PCDHA3: variants seen among roughly 807,000 people sequenced by gnomAD.
PCDHA3 encodes the protein protocadherin alpha-3.
A neutral mutation model predicts 62.2 loss-of-function variants in PCDHA3; 41 were observed. The ratio of observed to expected loss-of-function variants is 0.66; its 90% CI spans 0.51 to 0.86. The LOEUF is 0.86. PCDHA3 is among the 40% of genes least tolerant of loss of function. The probability of loss-of-function intolerance (pLI) is 0.00; values close to 1 mark genes in which losing one functional copy is unlikely to be tolerated. For synonymous variants in PCDHA3, 640 were observed against 555.4 expected, an observed-to-expected ratio of 1.15 and a Z score of -2.14; for missense variants, 1,304 against 1,241.2, an observed-to-expected ratio of 1.05 and a Z score of -0.76.
At chr5:140,969,847 A>G (rs2096364168) in intron 1 of PCDHA3, among the ~76,000 whole-genome samples, 1 of 152,150 alleles carries the variant, frequency 6.6e-6, no homozygotes. Flanking sequence ...TATCTAGTTA[A>G]TATTTCTGGT....
chr5:141,002,873 G>C (rs780574639), intron 3 of PCDHA3, among the ~76,000 whole-genome samples: 44 of 152,148 alleles, frequency 2.9e-4, no homozygotes, highest in Admixed American at 2.6e-4. Context: ...AAGTCCTCAA[G>C]AACAGAAAGA....
intron 1 of PCDHA3, among the ~76,000 whole-genome samples, chr5:140,933,853 A>G (rs192647657): frequency 6.6e-6 from 1 of 151,684 alleles, no homozygotes; most frequent in Non-Finnish European, 1.5e-5. Flanking sequence ...TGTACCTTTA[A>G]TTTTTTCAGA....
chr5:140,808,930 GC>G, intron 1 of PCDHA3: 1 of 1,613,744 alleles, frequency 6.2e-7, no homozygotes, highest in Non-Finnish European at 8.5e-7. Context: ...GCGAGCTGGT[GC>G]CATGGTCGGT....
intron 3 of PCDHA3, among the ~76,000 whole-genome samples, chr5:141,000,386 T>A (rs1394092081): frequency 5.6e-4 from 37 of 66,542 alleles, no homozygotes; most frequent in African/African-American, 2.4e-3. Flanking sequence ...TCTCTCTCTC[T>A]CTCTCTCTCT....
intron 1 of PCDHA3, chr5:140,805,385 G>T: frequency 9.1e-7 from 1 of 1,102,172 alleles, no homozygotes. Context: ...AAAGTACTCT[G>T]GTTTCTGTTT....
chr5:140,823,878 C>T (rs142924665), intron 1 of PCDHA3: 3 of 1,613,808 alleles, frequency 1.9e-6, no homozygotes, highest in South Asian at 1.1e-5. Context: ...ACCTGATCAT[C>T]GCCATCTGTG....
At position 140,877,908 on chromosome 5, in the gene PCDHA3, T is replaced by C; in HGVS notation, c.2394+74317T>C. On this transcript the variant is annotated intron_variant, in intron 1 of 3. Coordinates refer to ENST00000522353, the MANE Select transcript of PCDHA3 (RefSeq NM_018906.3). The stretch of plus-strand genomic sequence containing the variant: ...ACTTCCGTTTAGGTTATAACTACAT[T>C]CTCTCATTTTTCTTTATGATTCTAT... 3 of 1,433,546 alleles carry C rather than the reference T, an allele frequency of 2.1e-6. No homozygotes were observed. The South Asian group carries it at 4.7e-5, about 22-fold the overall frequency. 88.8% of individuals were successfully genotyped at this position (1,433,546 alleles called of 1,614,324 possible).
chr5:140,845,092 C>T lies in PCDHA3; in HGVS notation c.2394+41501C>T, dbSNP rs145327720. Among the ~76,000 whole-genome samples, 352 of 149,676 alleles carry T rather than the reference C, an allele frequency of 2.4e-3. 12 individuals are homozygous for T. Among genetic ancestry groups the T allele is most frequent in the African/African-American group, 8.0e-3 (326 of 40,968 alleles). On this transcript the variant is annotated intron_variant, in intron 1 of 3. Transcript: ENST00000522353. Reference sequence around the variant, plus strand: ...CAGCATTGTTTTGTAGTTTATTTTACAGTTCTCTTAATGCCTGTCCATGTT... The same window carrying T: ...CAGCATTGTTTTGTAGTTTATTTTATAGTTCTCTTAATGCCTGTCCATGTT...
intron 1 of PCDHA3, chr5:140,828,582 C>A: frequency 6.2e-7 from 1 of 1,614,224 alleles, no homozygotes; most frequent in Non-Finnish European, 8.5e-7. Context: ...GATGTTGGCT[C>A]AAATTCCATC....
chr5:140,941,241 T>TTCTTTCTTTC (rs2092943774), intron 1 of PCDHA3, among the ~76,000 whole-genome samples: 1 of 140,458 alleles, frequency 7.1e-6, no homozygotes, highest in African/African-American at 2.7e-5. Flanking sequence ...CTTTCTTTCT[T>TTCTTTCTTTC]TCTTTCTTTC....
intron 1 of PCDHA3, among the ~76,000 whole-genome samples, chr5:140,953,629 T>A (rs547651453): frequency 6.6e-6 from 1 of 152,298 alleles, no homozygotes; most frequent in East Asian, 1.9e-4. Context: ...TTGCTTTATG[T>A]ATTTTGGCCA....
At chr5:140,928,321 A>C (rs1296238254) in intron 1 of PCDHA3, 2 of 1,614,044 alleles carry the variant, frequency 1.2e-6, no homozygotes, top group African/African-American at 2.7e-5. Context: ...CCTGGGGAAG[A>C]ATGGCCTTGT....
chr5:140,836,225 G>A (rs1774300222), intron 1 of PCDHA3: 1 of 1,613,770 alleles, frequency 6.2e-7, no homozygotes, highest in Non-Finnish European at 8.5e-7. Flanking sequence ...TGCAACCGGT[G>A]GCGGCCGGTG....
chr5:140,828,192 C>G (rs1554131077), intron 1 of PCDHA3: 3 of 1,614,102 alleles, frequency 1.9e-6, no homozygotes, highest in Admixed American at 3.3e-5. Context: ...CTCCACTACT[C>G]CGTACCCGAG....
rs532145972 is a variant in PCDHA3 at position 140,957,602 on chromosome 5, C to T, written c.2395-21347C>T. On this transcript the variant is annotated intron_variant, in intron 1 of 3. Transcript: ENST00000522353. Reference sequence around the variant, plus strand: ...TTAACAAAGCACTTCCCAGAATAAACACACAGACATATACATGCACACACT... The same window carrying T: ...TTAACAAAGCACTTCCCAGAATAAATACACAGACATATACATGCACACACT... 3.3e-5 allele frequency among the ~76,000 whole-genome samples: 5 copies of T among 152,174 alleles called. No homozygotes were observed. In the East Asian group the frequency reaches 9.6e-4, roughly 29 times the overall value.
chr5:140,980,978 C>T (rs1482749121), intron 2 of PCDHA3, among the ~76,000 whole-genome samples: 1 of 152,032 alleles, frequency 6.6e-6, no homozygotes, highest in South Asian at 2.1e-4. Flanking sequence ...TCTGACTGAG[C>T]CCACACAATT....
intron 1 of PCDHA3, chr5:140,969,580 AT>A: frequency 2.2e-6 from 2 of 914,646 alleles, no homozygotes; most frequent in Non-Finnish European, 3.2e-6. Flanking sequence ...AGAAGTGAGG[AT>A]TAGTCTTAAT....
intron 1 of PCDHA3, chr5:140,869,243 G>T (rs1554162716): frequency 1.9e-6 from 3 of 1,613,544 alleles, no homozygotes; most frequent in Non-Finnish European, 2.5e-6. Context: ...TTCGTGGGCC[G>T]CATCGCGCAG....
chr5:140,972,660 ATTTTTTTTT>A (rs11350929), intron 1 of PCDHA3, among the ~76,000 whole-genome samples: 1 of 117,268 alleles, frequency 8.5e-6, no homozygotes, highest in Non-Finnish European at 1.7e-5. Flanking sequence ...AAGAAACCAA[ATTTTTTTTT>A]TTTTTTTTTT....
Sources: gnomAD v4.1 joint callset for allele counts (sites outside exome capture counted in the v4.1 genomes callset) on GRCh38, gnomAD v4.1.1 for gene constraint, MANE v1.5 for transcripts, NCBI Gene and HGNC (gene_info 2026-07-23, HGNC 2026-07-21) for gene names.